GLT8D1: variants seen among roughly 807,000 people sequenced by gnomAD.
GLT8D1 encodes the protein glycosyltransferase 8 domain containing 1.
A neutral mutation model predicts 46.2 loss-of-function variants in GLT8D1; 41 were observed. The ratio of observed to expected loss-of-function variants is 0.89; its 90% CI spans 0.69 to 1.15. GLT8D1 has a LOEUF of 1.15. Ranked by LOEUF, GLT8D1 falls within the 50% of genes most tolerant of loss-of-function variation. The probability of loss-of-function intolerance (pLI) is 0.00; values close to 1 mark genes in which losing one functional copy is unlikely to be tolerated. For missense variants in GLT8D1, 408 were observed against 449.3 expected (o/e 0.91, Z 0.83); for synonymous variants, 150 against 154.2 (o/e 0.97, Z 0.20).
intron 3 of GLT8D1, among the ~76,000 whole-genome samples, chr3:52,698,194 T>C (rs1456323046): frequency 6.6e-6 from 1 of 152,216 alleles, no homozygotes; most frequent in African/African-American, 2.4e-5. Context: ...GAATGTATTA[T>C]GGCAATTTGT....
At chr3:52,699,889 G>A (rs1055059859) in intron 3 of GLT8D1, among the ~76,000 whole-genome samples, 2 of 152,142 alleles carry the variant, frequency 1.3e-5, no homozygotes, top group African/African-American at 2.4e-5. Flanking sequence ...TATACTGTGC[G>A]ATATATTATA....
intron 8 of GLT8D1, 50 bp from the exon 9 acceptor site, chr3:52,695,352 T>G (rs1332223509): frequency 6.5e-7 from 1 of 1,544,772 alleles, no homozygotes. Flanking sequence ...ACTGACTAAC[T>G]CCTGTTAGTC....
intron 3 of GLT8D1, among the ~76,000 whole-genome samples, chr3:52,698,139 C>T (rs1477579262): frequency 6.6e-6 from 1 of 152,290 alleles, no homozygotes; most frequent in South Asian, 2.1e-4. Context: ...AATACACTGA[C>T]AGCACTTTGG....
Position 52,694,798 on chromosome 3 carries a change from C to T in GLT8D1, c.*47G>A. 1 of 1,331,768 alleles carries T rather than the reference C, an allele frequency of 7.5e-7. No individual in the cohort carries two copies. Among genetic ancestry groups the T allele is most frequent in the Non-Finnish European group, 1.1e-6 (1 of 922,884 alleles). The allele number at this position is 1,331,768 out of a possible 1,614,324, so 82.5% of individuals were successfully genotyped here. A position where few individuals can be genotyped will look rare whatever the true frequency, so the allele number is the denominator to read the frequency against. On this transcript the variant is annotated 3_prime_UTR_variant, in exon 10 of 10. Coordinates refer to ENST00000266014, the MANE Select transcript of GLT8D1 (RefSeq NM_018446.4). ...AACTGTTACTTCCCACGCATGCTAT[C>T]TTCCAGGACTTCCTGAGAAATGCTT... is the stretch of plus-strand genomic sequence containing the variant.
In GLT8D1 at chr3:52,696,007, T is replaced by G. The variant is rs776930236; in HGVS notation, c.566A>C (p.Lys189Thr). 1.7e-5 allele frequency: 27 copies of G among 1,610,314 alleles called. No individual in the cohort carries two copies. Among genetic ancestry groups the G allele is most frequent in the Non-Finnish European group, 2.0e-5 (24 of 1,176,560 alleles). Residue 189 changes from lysine (K) to threonine (T), a missense_variant, in exon 7 of 10, where the codon AAG (lysine) becomes ACG (threonine). Lys to Thr is a moderately conservative substitution (Grantham distance 78). Coordinates refer to ENST00000266014, the MANE Select transcript of GLT8D1 (RefSeq NM_018446.4). ...DILALYNTAL[K>T]PGHAAAFSED... ...TGAAAATGCAGCTGCATGTCCTGGC[T>G]TCAGTGCTGTATTGTAAAGGGCAAG...
chr3:52,697,479 G>T, intron 4 of GLT8D1: 1 of 526,994 alleles, frequency 1.9e-6, no homozygotes, highest in Non-Finnish European at 3.4e-6. Flanking sequence ...ATCAGGTGGG[G>T]TTAACAGTTC....
rs926318841 is a variant in GLT8D1 at position 52,695,751 on chromosome 3, A to G, written c.646-164T>C. 6.3e-6 allele frequency: 4 copies of G among 636,210 alleles called. No homozygotes were observed. The African/African-American group carries it at 7.4e-5, about 12-fold the overall frequency. The allele number at this position is 636,210 out of a possible 1,614,324, so 39.4% of individuals were successfully genotyped here. A position where few individuals can be genotyped will look rare whatever the true frequency, so the allele number is the denominator to read the frequency against. On this transcript the variant is annotated intron_variant, in intron 7 of 9. Transcript: ENST00000266014. ...AACCTAGATGTTGACATAATAAACCAGATGTTCAAGAACAATTAGGCTGTC... is the reference window on the plus strand; with the variant it reads ...AACCTAGATGTTGACATAATAAACCGGATGTTCAAGAACAATTAGGCTGTC...
Position 52,697,770 on chromosome 3 carries a change from T to C in GLT8D1, c.280A>G (p.Asn94Asp). 1.9e-6 allele frequency: 3 copies of C among 1,613,974 alleles called. No homozygotes were observed. The highest frequency in any genetic ancestry group is 2.5e-6 in the Non-Finnish European group (3 of 1,179,838). ...AGAGTAACAATGTAGAAAATCACAT[T>C]GGAGCGAGTGTTGTGCTGAATGCTG... ...INSIQHNTRS[N>D]VIFYIVTLNN... The change falls in exon 4 of 10, where the codon AAT becomes GAT. Residue 94 changes from asparagine (N) to aspartate (D), a missense_variant. Physicochemically the swap from Asn to Asp is conservative, Grantham distance 23. Coordinates refer to ENST00000266014, the MANE Select transcript of GLT8D1 (RefSeq NM_018446.4).
intron 1 of GLT8D1, chr3:52,703,319 G>C (rs748561000): frequency 6.6e-6 from 1 of 151,028 alleles, no homozygotes; most frequent in Non-Finnish European, 1.5e-5. Flanking sequence ...AGCTATTTGA[G>C]AGGCTGAGGC....
At chr3:52,700,553 A>C in intron 1 of GLT8D1, 57 bp from the exon 2 acceptor site, 1 of 739,730 alleles carries the variant, frequency 1.4e-6, no homozygotes, top group Non-Finnish European at 2.3e-6. Context: ...GGACATCAAA[A>C]TGCCCTAACA....
chr3:52,700,242 A>G lies in GLT8D1; in HGVS notation c.115+20T>C, dbSNP rs1356214365. On this transcript the variant is annotated intron_variant, in intron 3 of 9. Coordinates refer to ENST00000266014, the MANE Select transcript of GLT8D1 (RefSeq NM_018446.4). ...GGTCCGCAACAGATTCTAAGGCATT[A>G]TTAATAAGTGCTCGCATACCTGTAA... 5 of 1,494,020 alleles carry G rather than the reference A, an allele frequency of 3.3e-6. No individual in the cohort carries two copies. The highest frequency in any genetic ancestry group is 4.6e-6 in the Non-Finnish European group (5 of 1,076,732). 92.5% of individuals were successfully genotyped at this position (1,494,020 alleles called of 1,614,324 possible).
At chr3:52,699,409 C>T (rs1489472352) in intron 3 of GLT8D1, among the ~76,000 whole-genome samples, 3 of 152,042 alleles carry the variant, frequency 2.0e-5, no homozygotes, top group South Asian at 2.1e-4. Context: ...CTCAGCCTCC[C>T]GAGTAGCTGG....
rs1021560742 is a variant in GLT8D1, at chr3:52,701,044, G to A, written c.-36-548C>T. 5.3e-5 allele frequency among the ~76,000 whole-genome samples: 8 copies of A among 152,088 alleles called. No homozygotes were observed. The East Asian group carries it at 5.8e-4, about 11-fold the overall frequency. Reference sequence around the variant, plus strand: ...CATGCCATTGCACTCCAGCCTGGGCGACAGAGTGAGACTCTGTCTTTAAAA... The same window carrying A: ...CATGCCATTGCACTCCAGCCTGGGCAACAGAGTGAGACTCTGTCTTTAAAA... On this transcript the variant is annotated intron_variant, in intron 1 of 9. Coordinates refer to ENST00000266014, the MANE Select transcript of GLT8D1 (RefSeq NM_018446.4).
Position 52,705,661 on chromosome 3 carries a change from TG to T in GLT8D1, c.-252del. 1 of 257,262 alleles carries T rather than the reference TG, an allele frequency of 3.9e-6. No individual in the cohort carries two copies. The highest frequency in any genetic ancestry group is 2.3e-5 in the African/African-American group (1 of 44,238). The allele number at this position is 257,262 out of a possible 1,614,324, so 15.9% of individuals were successfully genotyped here. A position where few individuals can be genotyped will look rare whatever the true frequency, so the allele number is the denominator to read the frequency against. On this transcript the variant is annotated 5_prime_UTR_variant, in exon 1 of 10. Coordinates refer to ENST00000266014, the MANE Select transcript of GLT8D1 (RefSeq NM_018446.4). The stretch of plus-strand genomic sequence containing the variant: ...AGGCCCCGGAGCCCAGCCCGTTGTC[TG>T]GCCGCCCGCGTTCCCTGCACGCTGG...
At chr3:52,701,056 C>T (rs2097338941) in intron 1 of GLT8D1, among the ~76,000 whole-genome samples, 1 of 152,090 alleles carries the variant, frequency 6.6e-6, no homozygotes, top group East Asian at 1.9e-4. Context: ...CAGAGTGAGA[C>T]TCTGTCTTTA....
At chr3:52,695,109 A>G (rs1578584257) in intron 9 of GLT8D1, 74 bp from the exon 10 acceptor site, 1 of 1,439,436 alleles carries the variant, frequency 6.9e-7, no homozygotes, top group Non-Finnish European at 9.8e-7. Context: ...TAAGGGAAAC[A>G]AAGAATATAC....
At chr3:52,697,659 G>C in intron 4 of GLT8D1, 62 bp downstream of exon 4, 2 of 1,068,866 alleles carry the variant, frequency 1.9e-6, no homozygotes, top group Non-Finnish European at 2.9e-6. Flanking sequence ...ACAGATCCTG[G>C]ATTGGCAGCT....
intron 6 of GLT8D1, 66 bp downstream of exon 6, chr3:52,696,168 T>G: frequency 1.6e-6 from 2 of 1,223,716 alleles, no homozygotes; most frequent in Non-Finnish European, 2.4e-6. Flanking sequence ...CTGTAGCCCA[T>G]TGTTTTATTT....
intron 1 of GLT8D1, among the ~76,000 whole-genome samples, chr3:52,702,717 AAAT>A (rs2097340373): frequency 6.6e-6 from 1 of 152,074 alleles, no homozygotes; most frequent in South Asian, 2.1e-4. Context: ...TATCTAAAAA[AAAT>A]TTTTTTTAAA....
Sources: gnomAD v4.1 joint callset for allele counts (sites outside exome capture counted in the v4.1 genomes callset) on GRCh38, gnomAD v4.1.1 for gene constraint, MANE v1.5 for transcripts, NCBI Gene and HGNC (gene_info 2026-07-23, HGNC 2026-07-21) for gene names.